MOXD1: variants seen among roughly 807,000 people sequenced by gnomAD.
The protein encoded by MOXD1 is monooxygenase DBH like 1.
Under a neutral mutation model 66.6 loss-of-function variants are expected in MOXD1, and 62 were observed. That is an observed-to-expected ratio of 0.93 (90% CI 0.76 to 1.15). The LOEUF is 1.15. Ranked by LOEUF, MOXD1 falls within the 50% of genes most tolerant of loss-of-function variation. The pLI is 0.00. For missense variants in MOXD1, 847 were observed against 754.6 expected (o/e 1.12, Z -1.44); for synonymous variants, 303 against 281.9 (o/e 1.07, Z -0.75).
intron 4 of MOXD1, among the ~76,000 whole-genome samples, chr6:132,333,119 A>G (rs566725516): frequency 1.4e-3 from 209 of 152,164 alleles, no homozygotes; most frequent in African/African-American, 4.8e-3. Context: ...GGCAGATCAC[A>G]AGGTCAGGAG....
chr6:132,299,052 G>T (rs924442313), intron 10 of MOXD1, among the ~76,000 whole-genome samples: 3 of 152,118 alleles, frequency 2.0e-5, no homozygotes, highest in African/African-American at 7.2e-5. Context: ...ACTAGATAAA[G>T]AAAATGTGGT....
At chr6:132,299,723 A>G (rs928010181) in intron 10 of MOXD1, among the ~76,000 whole-genome samples, 2 of 152,156 alleles carry the variant, frequency 1.3e-5, no homozygotes, top group Non-Finnish European at 2.9e-5. Context: ...AAAATTTTAC[A>G]TTAATCCATG....
chr6:132,384,665 A>G (rs9375880), intron 1 of MOXD1, among the ~76,000 whole-genome samples: 21,504 of 142,628 alleles, frequency 0.15, 1,896 homozygotes, highest in East Asian at 0.42. Context: ...ATGTGTGGAG[A>G]AAGTAGTTTC....
chr6:132,379,432 A>G (rs1316598551), intron 1 of MOXD1, among the ~76,000 whole-genome samples: 1 of 152,170 alleles, frequency 6.6e-6, no homozygotes, highest in Non-Finnish European at 1.5e-5. Context: ...CTTCCCCCTA[A>G]GTTTAGGAAC....
chr6:132,359,448 A>C (rs1775969732), intron 4 of MOXD1, among the ~76,000 whole-genome samples: 2 of 151,188 alleles, frequency 1.3e-5, no homozygotes, highest in Admixed American at 6.6e-5. Flanking sequence ...TCTATTTTAG[A>C]GAATATGATA....
chr6:132,325,286 C>G (rs1462422130), intron 6 of MOXD1: 1 of 152,226 alleles, frequency 6.6e-6, no homozygotes, highest in Non-Finnish European at 1.5e-5. Flanking sequence ...AATCCCAGCT[C>G]TGCTGCATAT....
chr6:132,370,323 C>T (rs534890155), intron 4 of MOXD1, among the ~76,000 whole-genome samples: 19 of 152,104 alleles, frequency 1.2e-4, no homozygotes, highest in Non-Finnish European at 2.4e-4. Context: ...AATTCTACAT[C>T]ATTAAAATTT....
chr6:132,370,873 G>A (rs980484513), intron 4 of MOXD1, among the ~76,000 whole-genome samples: 1 of 152,102 alleles, frequency 6.6e-6, no homozygotes, highest in Non-Finnish European at 1.5e-5. Context: ...CATTTAATAT[G>A]CTTCATATAG....
chr6:132,327,002 G>A (rs1484575124), intron 6 of MOXD1, among the ~76,000 whole-genome samples: 1 of 151,954 alleles, frequency 6.6e-6, no homozygotes, highest in Non-Finnish European at 1.5e-5. Flanking sequence ...TTGTCTTCAG[G>A]GTAAAAATCC....
rs537679334 is a variant in MOXD1, at chr6:132,315,212, A to G, written c.1508+423T>C. Among the ~76,000 whole-genome samples the G allele has an allele frequency of 2.0e-5, 3 of 152,304 alleles. No homozygotes were observed. In the South Asian group the frequency reaches 6.2e-4, roughly 32 times the overall value. ...ACTGAATCTGTGATGAGCTTCTCCA[A>G]TAGACAACATTCCATACATGTTGTC... On this transcript the variant is annotated intron_variant, in intron 10 of 11. Coordinates refer to ENST00000367963, the MANE Select transcript of MOXD1 (RefSeq NM_015529.4).
intron 10 of MOXD1, among the ~76,000 whole-genome samples, chr6:132,303,831 GTGTGTATATATATATATATA>G (rs1562276371): frequency 6.1e-4 from 41 of 66,734 alleles, no homozygotes; most frequent in African/African-American, 2.3e-3. Context: ...GTGTGTGTGT[GTGTGTATATATATATATATA>G]TATATATATA....
At chr6:132,354,667 G>T (rs1345036687) in intron 4 of MOXD1, among the ~76,000 whole-genome samples, 1 of 152,242 alleles carries the variant, frequency 6.6e-6, no homozygotes, top group Non-Finnish European at 1.5e-5. Flanking sequence ...GAGAGCATCA[G>T]CTGTGGTGGT....
At chr6:132,331,735 C>T (rs945517234) in intron 4 of MOXD1, among the ~76,000 whole-genome samples, 1 of 152,156 alleles carries the variant, frequency 6.6e-6, no homozygotes, top group South Asian at 2.1e-4. Flanking sequence ...CAAAGTACCA[C>T]AGCTGGGAAA....
Position 132,297,098 on chromosome 6 carries a change from T to C in MOXD1, c.*55A>G, listed in dbSNP as rs1464469711. Reference sequence around the variant, plus strand: ...AGTGGACACAGTCTTTAACCTGTACTTCAAATGACAGGTTCAGATCATAGA... The same window carrying C: ...AGTGGACACAGTCTTTAACCTGTACCTCAAATGACAGGTTCAGATCATAGA... On this transcript the variant is annotated 3_prime_UTR_variant, in exon 12 of 12. Transcript: ENST00000367963. The C allele has an allele frequency of 6.3e-7, 1 of 1,575,162 alleles. No homozygotes were observed. The highest frequency in any genetic ancestry group is 1.1e-5 in the South Asian group (1 of 87,326).
chr6:132,323,280 A>T (rs113877523), intron 7 of MOXD1, among the ~76,000 whole-genome samples: 29 of 152,326 alleles, frequency 1.9e-4, no homozygotes, highest in African/African-American at 7.0e-4. Context: ...TGAATCGCCC[A>T]TGGTCCTACA....
At chr6:132,340,543 ATAAC>A (rs1219592275) in intron 4 of MOXD1, among the ~76,000 whole-genome samples, 1 of 151,394 alleles carries the variant, frequency 6.6e-6, no homozygotes, top group Non-Finnish European at 1.5e-5. Context: ...CATTCCCAAA[ATAAC>A]TAATAGCTAA....
chr6:132,372,609 T>G lies in MOXD1; in HGVS notation c.662A>C (p.Lys221Thr). 6.2e-7 allele frequency: 1 copy of G among 1,610,366 alleles called. No individual in the cohort carries two copies. Among genetic ancestry groups the G allele is most frequent in the Non-Finnish European group, 8.5e-7 (1 of 1,176,600 alleles). Residue 221 changes from lysine (K) to threonine (T), a missense_variant and splice_region_variant, in exon 4 of 12, where the codon AAG (lysine) becomes ACG (threonine). Transcript: ENST00000367963. ...PVFQEKHHVI[K>T]VEPVIQRGHE... is the part of the protein sequence containing the mutation. ...TTAGCCTATGAATGAGTCACATACC[T>G]TTATTACATGATGCTTTTCTTGGAA...
chr6:132,384,594 C>G (rs1245372299), intron 1 of MOXD1, among the ~76,000 whole-genome samples: 2 of 152,176 alleles, frequency 1.3e-5, no homozygotes, highest in African/African-American at 2.4e-5. Flanking sequence ...TCAGAAAAGT[C>G]ACCACTGAGG....
chr6:132,331,697 C>G (rs565130092), intron 4 of MOXD1, among the ~76,000 whole-genome samples: 1 of 152,216 alleles, frequency 6.6e-6, no homozygotes, highest in South Asian at 2.1e-4. Context: ...TACAGATTTA[C>G]TGAAACTCAG....
Sources: allele counts gnomAD v4.1 joint callset (sites outside exome capture counted in the v4.1 genomes callset), GRCh38; gene constraint gnomAD v4.1.1; transcripts MANE v1.5; gene names NCBI Gene and HGNC (gene_info 2026-07-23, HGNC 2026-07-21).